RAB31: variants seen among roughly 807,000 people sequenced by gnomAD.
RAB31 encodes RAB31, member RAS oncogene family.
RAB31 carries 21 observed loss-of-function variants against 25.6 expected under a neutral mutation model. The ratio of observed to expected loss-of-function variants is 0.82; its 90% CI spans 0.58 to 1.18. The LOEUF (loss-of-function observed/expected upper bound fraction) is 1.18. RAB31 is among the 50% of genes most tolerant of loss of function. The pLI is 0.00. For synonymous variants in RAB31, 87 were observed against 84.0 expected (o/e 1.04, Z -0.20); for missense variants, 196 against 250.1 (o/e 0.78, Z 1.46).
Position 9,767,162 on chromosome 18 carries a change from T to C in RAB31, c.40-8116T>C, listed in dbSNP as rs187087095. The stretch of plus-strand genomic sequence containing the variant: ...TGGGATGTCATGCACAGAGTCAGTT[T>C]TGTAGTGTACATTATAGGCAAATCA... On this transcript the variant is annotated intron_variant, in intron 1 of 6. Coordinates refer to ENST00000578921, the MANE Select transcript of RAB31 (RefSeq NM_006868.4). 2.7e-3 allele frequency among the ~76,000 whole-genome samples: 417 copies of C among 152,344 alleles called. 1 individual carries two copies. Among genetic ancestry groups the C allele is most frequent in the South Asian group, 0.024 (114 of 4,828 alleles).
chr18:9,794,636 A>G (rs554039308), intron 3 of RAB31, among the ~76,000 whole-genome samples: 50 of 152,114 alleles, frequency 3.3e-4, no homozygotes, highest in Admixed American at 2.0e-3. Flanking sequence ...CCAATATGGT[A>G]AAACCTTGTC....
intron 3 of RAB31, among the ~76,000 whole-genome samples, chr18:9,806,188 AG>A (rs112745705): frequency 0.41 from 61,106 of 148,558 alleles, 12,416 homozygotes; most frequent in South Asian, 0.5. Context: ...AAAAAAAAAA[AG>A]AAGAGCTGTG....
intron 1 of RAB31, among the ~76,000 whole-genome samples, chr18:9,760,032 TC>T (rs989459610): frequency 6.6e-6 from 1 of 152,180 alleles, no homozygotes; most frequent in Admixed American, 6.5e-5. Context: ...GCTTTGCTAT[TC>T]CACATTTCCA....
chr18:9,711,429 A>G (rs989415950), intron 1 of RAB31, among the ~76,000 whole-genome samples: 5 of 152,060 alleles, frequency 3.3e-5, no homozygotes, highest in Admixed American at 1.3e-4. Context: ...CTGGAGTGCA[A>G]TGGTGCCATC....
chr18:9,858,402 A>T (rs1217485681), intron 6 of RAB31, among the ~76,000 whole-genome samples: 1 of 152,184 alleles, frequency 6.6e-6, no homozygotes, highest in Non-Finnish European at 1.5e-5. Flanking sequence ...AAATTCACAT[A>T]CCATACATTT....
At chr18:9,752,551 CTG>C (rs1472075763) in intron 1 of RAB31, among the ~76,000 whole-genome samples, 1 of 152,186 alleles carries the variant, frequency 6.6e-6, no homozygotes, top group Admixed American at 6.5e-5. Context: ...ATGGACAAAA[CTG>C]TGCAACCTGG....
intron 3 of RAB31, among the ~76,000 whole-genome samples, chr18:9,811,416 T>C (rs1336614556): frequency 6.6e-6 from 1 of 152,154 alleles, no homozygotes; most frequent in Non-Finnish European, 1.5e-5. Flanking sequence ...CCAAATACCA[T>C]CATTTCAGTT....
At chr18:9,771,006 C>A (rs918739512) in intron 1 of RAB31, among the ~76,000 whole-genome samples, 12 of 151,976 alleles carry the variant, frequency 7.9e-5, no homozygotes, top group East Asian at 3.9e-4. Context: ...TGCAAAAAAA[C>A]CCCTAACATT....
intron 1 of RAB31, among the ~76,000 whole-genome samples, chr18:9,748,097 A>G (rs2068214614): frequency 6.6e-6 from 1 of 152,196 alleles, no homozygotes; most frequent in Non-Finnish European, 1.5e-5. Flanking sequence ...ATTACAAGTT[A>G]CTGGTGGCGT....
At chr18:9,751,949 GC>G (rs1320783411) in intron 1 of RAB31, among the ~76,000 whole-genome samples, 1 of 152,136 alleles carries the variant, frequency 6.6e-6, no homozygotes, top group African/African-American at 2.4e-5. Context: ...ACACAGCTGG[GC>G]CCCAGGAAGA....
chr18:9,716,445 C>A (rs2068044894), intron 1 of RAB31, among the ~76,000 whole-genome samples: 1 of 152,144 alleles, frequency 6.6e-6, no homozygotes, highest in South Asian at 2.1e-4. Flanking sequence ...CCTCTTGGAG[C>A]CTACATTTTA....
chr18:9,843,682 G>A (rs1300423939), intron 5 of RAB31, among the ~76,000 whole-genome samples: 1 of 151,958 alleles, frequency 6.6e-6, no homozygotes, highest in African/African-American at 2.4e-5. Context: ...TAATCCCTGT[G>A]ACAGGCCTGG....
In RAB31 at chr18:9,859,339, G is replaced by T; in HGVS notation, c.*14G>T. ...CGGTGCTGTTGACCCAAGGGCCGTG[G>T]TCCACGGTACTTGAAGAAGCCAGAG... On this transcript the variant is annotated 3_prime_UTR_variant, in exon 7 of 7. Coordinates refer to ENST00000578921, the MANE Select transcript of RAB31 (RefSeq NM_006868.4). 1 of 1,598,846 alleles carries T rather than the reference G, an allele frequency of 6.3e-7. No individual in the cohort carries two copies. Among genetic ancestry groups the T allele is most frequent in the Non-Finnish European group, 8.6e-7 (1 of 1,166,270 alleles).
intron 1 of RAB31, among the ~76,000 whole-genome samples, chr18:9,772,841 C>T (rs866792863): frequency 3.3e-5 from 5 of 151,992 alleles, no homozygotes; most frequent in African/African-American, 9.7e-5. Context: ...TTGGGGGCTA[C>T]GTGGGCTACA....
chr18:9,720,610 T>A (rs1350702126), intron 1 of RAB31, among the ~76,000 whole-genome samples: 1 of 150,518 alleles, frequency 6.6e-6, no homozygotes, highest in Non-Finnish European at 1.5e-5. Flanking sequence ...TTCCCCAAGA[T>A]TCGGTGTCAG....
intron 1 of RAB31, among the ~76,000 whole-genome samples, chr18:9,736,194 G>T (rs2068150454): frequency 6.6e-6 from 1 of 152,104 alleles, no homozygotes. Flanking sequence ...GACTGGTATT[G>T]AACTACTTGC....
At chr18:9,721,684 G>A (rs544031917) in intron 1 of RAB31, among the ~76,000 whole-genome samples, 41 of 152,038 alleles carry the variant, frequency 2.7e-4, no homozygotes, top group African/African-American at 9.6e-4. Flanking sequence ...TGCAGCAGGT[G>A]TTTACTGAGT....
intron 5 of RAB31, among the ~76,000 whole-genome samples, chr18:9,841,861 G>C (rs2068736197): frequency 6.6e-6 from 1 of 152,216 alleles, no homozygotes; most frequent in Non-Finnish European, 1.5e-5. Context: ...GCCTATTTGG[G>C]AAATTGGCTG....
At chr18:9,742,225 A>T (rs943686836) in intron 1 of RAB31, among the ~76,000 whole-genome samples, 1 of 152,200 alleles carries the variant, frequency 6.6e-6, no homozygotes, top group Admixed American at 6.5e-5. Flanking sequence ...GCGATATTGC[A>T]GCGCAGAGTT....
Sources: allele counts gnomAD v4.1 joint callset (sites outside exome capture counted in the v4.1 genomes callset), GRCh38; gene constraint gnomAD v4.1.1; transcripts MANE v1.5; gene names NCBI Gene and HGNC (gene_info 2026-07-23, HGNC 2026-07-21).